The following SOX5 variants were observed in gnomAD, a reference collection of about 807,000 sequenced individuals.
SOX5 encodes the protein transcription factor SOX-5.
SOX5 carries 9 observed loss-of-function variants against 92.0 expected under a neutral mutation model. That is an observed-to-expected ratio of 0.10 (90% confidence interval 0.06 to 0.17). SOX5 has a LOEUF of 0.17. Among genes scored for constraint, SOX5 ranks in the 10% least tolerant of loss-of-function variants. SOX5 has a pLI of 1.00. For missense variants in SOX5, 642 were observed against 944.5 expected, an observed-to-expected ratio of 0.68 and a Z score of 4.20; for synonymous variants, 344 against 336.3, an observed-to-expected ratio of 1.02 and a Z score of -0.25.
At chr12:23,949,682 T>G (rs146039840), upstream of SOX5, 605 of 1,602,534 alleles carry the variant, frequency 3.8e-4, 3 homozygotes, top group East Asian at 0.013. Flanking sequence ...AGTCCAAACC[T>G]TCTAAACCAA....
At chr12:23,644,808 A>C (rs1163939909) in intron 7 of SOX5, among the ~76,000 whole-genome samples, 1 of 152,222 alleles carries the variant, frequency 6.6e-6, no homozygotes. Flanking sequence ...ATTCATGCAA[A>C]CTAGTTAAAA....
intron 1 of SOX5, among the ~76,000 whole-genome samples, chr12:24,369,112 A>C (rs1473155008): frequency 6.6e-6 from 1 of 152,208 alleles, no homozygotes; most frequent in Non-Finnish European, 1.5e-5. Flanking sequence ...GCTGTCTGAC[A>C]CACAGTATAC....
chr12:24,194,556 T>C (rs74068436), intron 4 of SOX5, among the ~76,000 whole-genome samples: 3,252 of 152,260 alleles, frequency 0.021, 111 homozygotes, highest in African/African-American at 0.074. Context: ...TAAGCTTTTA[T>C]AAATATATGT....
At chr12:24,340,838 G>C (rs550652644) in intron 2 of SOX5, among the ~76,000 whole-genome samples, 1 of 152,152 alleles carries the variant, frequency 6.6e-6, no homozygotes, top group Non-Finnish European at 1.5e-5. Flanking sequence ...AAGCCTAATT[G>C]TCTGAAGGAT....
intron 3 of SOX5, among the ~76,000 whole-genome samples, chr12:23,801,801 A>G (rs1189751145): frequency 6.6e-6 from 1 of 152,080 alleles, no homozygotes; most frequent in African/African-American, 2.4e-5. Flanking sequence ...TTTCAGTTAC[A>G]CTTTTATTGA....
intron 4 of SOX5, among the ~76,000 whole-genome samples, chr12:24,033,122 A>G (rs922926499): frequency 2.0e-5 from 3 of 151,988 alleles, no homozygotes; most frequent in African/African-American, 7.2e-5. Context: ...TTAGGGAAGT[A>G]GAAAATGAAT....
chr12:23,848,623 A>G (rs2096599543), intron 2 of SOX5, among the ~76,000 whole-genome samples: 1 of 152,164 alleles, frequency 6.6e-6, no homozygotes, highest in African/African-American at 2.4e-5. Context: ...AGGAAATCCT[A>G]TCTTTTTCAG....
chr12:23,563,657 C>T (rs926910556), intron 10 of SOX5, among the ~76,000 whole-genome samples: 49 of 152,056 alleles, frequency 3.2e-4, no homozygotes, highest in African/African-American at 1.1e-3. Context: ...TTGTTTCCAA[C>T]TATTTTGAAA....
chr12:24,477,418 G>C (rs1290377689), intron 1 of SOX5, among the ~76,000 whole-genome samples: 1 of 152,094 alleles, frequency 6.6e-6, no homozygotes, highest in African/African-American at 2.4e-5. Flanking sequence ...ACAGGTGTAA[G>C]CCACTGCGCC....
chr12:24,188,717 A>C (rs1482647428), intron 4 of SOX5, among the ~76,000 whole-genome samples: 1 of 152,188 alleles, frequency 6.6e-6, no homozygotes, highest in Non-Finnish European at 1.5e-5. Context: ...GATGTCATTC[A>C]GTAGGTCATT....
intron 4 of SOX5, among the ~76,000 whole-genome samples, chr12:23,977,003 A>C (rs557836885): frequency 6.6e-6 from 1 of 152,312 alleles, no homozygotes; most frequent in East Asian, 1.9e-4. Context: ...AAATATACCA[A>C]TATACCTACT....
intron 1 of SOX5, among the ~76,000 whole-genome samples, chr12:24,453,911 G>A (rs1942670845): frequency 6.6e-6 from 1 of 152,108 alleles, no homozygotes; most frequent in Non-Finnish European, 1.5e-5. Flanking sequence ...TTTCATTTTT[G>A]AAGGCCGAGT....
chr12:23,728,658 C>T (rs2093265388), intron 6 of SOX5, among the ~76,000 whole-genome samples: 1 of 152,124 alleles, frequency 6.6e-6, no homozygotes, highest in Admixed American at 6.6e-5. Flanking sequence ...ATTGGTTGAG[C>T]CCATGACTGC....
intron 2 of SOX5, among the ~76,000 whole-genome samples, chr12:24,327,712 T>G (rs1950874636): frequency 6.6e-6 from 1 of 151,830 alleles, no homozygotes; most frequent in South Asian, 2.1e-4. Context: ...GCCTCCGGAG[T>G]AGCTGGGACT....
At chr12:23,945,302 T>C (rs112151494) in intron 1 of SOX5, among the ~76,000 whole-genome samples, 1,553 of 152,262 alleles carry the variant, frequency 0.01, 21 homozygotes, top group African/African-American at 0.035. Flanking sequence ...AACAGGTAAA[T>C]ACTTTAACAT....
intron 8 of SOX5, among the ~76,000 whole-genome samples, chr12:23,605,706 G>A (rs898246419): frequency 5.3e-5 from 8 of 151,740 alleles, no homozygotes; most frequent in Admixed American, 5.3e-4. Flanking sequence ...CACAGATCCT[G>A]ATTAGCAGTG....
chr12:24,276,873 C>CA (rs1445094378), intron 3 of SOX5, among the ~76,000 whole-genome samples: 1 of 151,858 alleles, frequency 6.6e-6, no homozygotes, highest in East Asian at 1.9e-4. Context: ...GAAGCAACAA[C>CA]AAAAAAGTAG....
At chr12:23,550,021 T>C (rs890389341) in intron 11 of SOX5, among the ~76,000 whole-genome samples, 1 of 152,012 alleles carries the variant, frequency 6.6e-6, no homozygotes, top group South Asian at 2.1e-4. Flanking sequence ...GGGAACTTGG[T>C]AGCTGGTCTT....
intron 4 of SOX5, among the ~76,000 whole-genome samples, chr12:23,753,343 GCACA>G (rs1406113211): frequency 1.3e-5 from 2 of 151,082 alleles, no homozygotes; most frequent in Non-Finnish European, 3.0e-5. Context: ...AGGGAAAAGG[GCACA>G]CACACACGCA....
Sources: allele counts gnomAD v4.1 joint callset (sites outside exome capture counted in the v4.1 genomes callset), GRCh38; gene constraint gnomAD v4.1.1; transcripts MANE v1.5; gene names NCBI Gene and HGNC (gene_info 2026-07-23, HGNC 2026-07-21).